Variants in WWC1 observed in about 807,000 individuals in gnomAD.
WWC1 encodes the protein protein KIBRA.
WWC1 carries 55 observed loss-of-function variants against 138.4 expected under a neutral mutation model. That is an observed-to-expected ratio of 0.40 (90% CI 0.32 to 0.50). The LOEUF is 0.50. Ranked by LOEUF, WWC1 falls within the 20% of genes least tolerant of loss-of-function variation. WWC1 has a pLI of 0.72. For synonymous variants in WWC1, 524 were observed against 564.9 expected (o/e 0.93, Z 1.03); for missense variants, 1,226 against 1,420.4 (o/e 0.86, Z 2.20).
At position 168,428,690 on chromosome 5, in the gene WWC1, CCCCTGTTG is replaced by C; in HGVS notation, c.1920-14_1920-7del. 1 of 1,613,126 alleles carries C rather than the reference CCCCTGTTG, an allele frequency of 6.2e-7. No individual in the cohort carries two copies. Among genetic ancestry groups the C allele is most frequent in the Non-Finnish European group, 8.5e-7 (1 of 1,179,268 alleles). Reference sequence around the variant, plus strand: ...ACTGTAGGGAAGCCTAACTCCTCCTCCCCTGTTGCCTTTCAGACTGGGTGCTTCAGAAG... The same window carrying C: ...ACTGTAGGGAAGCCTAACTCCTCCTCCCTTTCAGACTGGGTGCTTCAGAAG... On this transcript the variant is annotated splice_polypyrimidine_tract_variant and intron_variant, in intron 12 of 22. Coordinates refer to ENST00000265293, the MANE Select transcript of WWC1 (RefSeq NM_015238.3).
intron 16 of WWC1, 75 bp downstream of exon 16, chr5:168,441,909 C>A: frequency 1.3e-6 from 2 of 1,542,498 alleles, no homozygotes; most frequent in South Asian, 1.3e-5. Flanking sequence ...TCTCCCAGAA[C>A]TGGAGGTGAT....
chr5:168,317,496 G>GAGT (rs1419978606), intron 1 of WWC1, among the ~76,000 whole-genome samples: 2 of 152,148 alleles, frequency 1.3e-5, no homozygotes, highest in African/African-American at 4.8e-5. Context: ...GTGGGGTGCA[G>GAGT]AGTAGACAGG....
chr5:168,450,491 C>T (rs1004335846), intron 17 of WWC1, among the ~76,000 whole-genome samples: 7 of 152,034 alleles, frequency 4.6e-5, no homozygotes, highest in African/African-American at 1.4e-4. Flanking sequence ...CATGGTGAAA[C>T]ACCATCTCTA....
intron 1 of WWC1, among the ~76,000 whole-genome samples, chr5:168,365,424 A>C (rs1420795542): frequency 6.6e-6 from 1 of 152,184 alleles, no homozygotes; most frequent in African/African-American, 2.4e-5. Context: ...CTTGGGAAAC[A>C]CTAGGAACAT....
intron 5 of WWC1, among the ~76,000 whole-genome samples, chr5:168,400,067 A>G (rs575926287): frequency 5.3e-5 from 8 of 151,868 alleles, no homozygotes; most frequent in South Asian, 2.1e-4. Context: ...ATTGTGCTCT[A>G]TGGGTGACTT....
chr5:168,468,554 C>T lies in WWC1; in HGVS notation c.3276-397C>T, dbSNP rs1404522260. Among the ~76,000 whole-genome samples the T allele has an allele frequency of 1.3e-5, 2 of 152,124 alleles. 1 individual carries two copies. Among genetic ancestry groups the T allele is most frequent in the East Asian group, 3.9e-4 (2 of 5,192 alleles). On this transcript the variant is annotated intron_variant, in intron 22 of 22. Coordinates refer to ENST00000265293, the MANE Select transcript of WWC1 (RefSeq NM_015238.3). ...ACATTTAAAATGTATATTTGTACAACTATCTTTGGGCATCTCTTAACTTTT... is the reference window on the plus strand; with the variant it reads ...ACATTTAAAATGTATATTTGTACAATTATCTTTGGGCATCTCTTAACTTTT...
chr5:168,431,802 G>A (rs1781968695), intron 15 of WWC1, among the ~76,000 whole-genome samples: 1 of 152,178 alleles, frequency 6.6e-6, no homozygotes, highest in Non-Finnish European at 1.5e-5. Context: ...CTGTGTGGTG[G>A]CTTATATCTG....
rs1299589140 is a variant in WWC1 at position 168,375,442 on chromosome 5, GAC to G, written c.229+3910_229+3911del. On this transcript the variant is annotated intron_variant, in intron 2 of 22. Coordinates refer to ENST00000265293, the MANE Select transcript of WWC1 (RefSeq NM_015238.3). ...AACCAATAGATTTAGCAACCTGGGT[GAC>G]CTGACTTTGGAGGGCAGCTTTGGAC... 4.0e-4 allele frequency among the ~76,000 whole-genome samples: 61 copies of G among 152,290 alleles called. 1 individual carries two copies. Among genetic ancestry groups the G allele is most frequent in the Non-Finnish European group, 2.9e-5 (2 of 68,036 alleles).
rs1771369104 is a variant in WWC1, at chr5:168,314,192, A to G, written c.119+21921A>G. On this transcript the variant is annotated intron_variant, in intron 1 of 22. Coordinates refer to ENST00000265293, the MANE Select transcript of WWC1 (RefSeq NM_015238.3). ...AGAGAACAGAGGGAAGAAAAGGACA[A>G]GGAGGAACTGGAGTCTACAATAAGT... Among the ~76,000 whole-genome samples the G allele has an allele frequency of 2.0e-5, 3 of 150,644 alleles. No individual in the cohort carries two copies. In the South Asian group the frequency reaches 6.3e-4, roughly 32 times the overall value.
At chr5:168,319,881 G>A (rs557853766) in intron 1 of WWC1, among the ~76,000 whole-genome samples, 7 of 152,068 alleles carry the variant, frequency 4.6e-5, no homozygotes, top group Non-Finnish European at 1.0e-4. Flanking sequence ...GTGCAGAAGG[G>A]TTCCAATTTC....
chr5:168,403,088 T>TTTC (rs374804391), intron 5 of WWC1, among the ~76,000 whole-genome samples: 3 of 124,188 alleles, frequency 2.4e-5, no homozygotes, highest in African/African-American at 1.0e-4. Flanking sequence ...CTTTTCTTTC[T>TTTC]TTTCTTTCTT....
rs754852592 is a variant in WWC1, at chr5:168,403,067, TTTC to T, written c.591-3128_591-3126del. Among the ~76,000 whole-genome samples the T allele has an allele frequency of 3.3e-3, 353 of 107,942 alleles. 1 individual carries two copies. Among genetic ancestry groups the T allele is most frequent in the African/African-American group, 4.8e-3 (110 of 22,822 alleles). 70.8% of individuals were successfully genotyped at this position (107,942 alleles called of 152,430 possible). On this transcript the variant is annotated intron_variant, in intron 5 of 22. Coordinates refer to ENST00000265293, the MANE Select transcript of WWC1 (RefSeq NM_015238.3). ...CTTTCTTTCTTTCTTTCTTTCTTTC[TTTC>T]TTTCTTTCTTTTCTTTCTTTTCTTT...
intron 16 of WWC1, 108 bp downstream of exon 16, chr5:168,441,942 A>C: frequency 7.0e-7 from 1 of 1,437,040 alleles, no homozygotes; most frequent in Non-Finnish European, 9.3e-7. Flanking sequence ...GAGGAGAACA[A>C]TGGGGTGGAG....
intron 3 of WWC1, among the ~76,000 whole-genome samples, chr5:168,388,985 A>T (rs2152822156): frequency 6.6e-6 from 1 of 152,278 alleles, no homozygotes; most frequent in Non-Finnish European, 1.5e-5. Context: ...CTGGGGTGGG[A>T]AGAGGGATGG....
chr5:168,468,927 C>G lies in WWC1; in HGVS notation c.3276-24C>G, dbSNP rs762298269. The G allele has an allele frequency of 3.1e-6, 5 of 1,614,006 alleles. No individual in the cohort carries two copies. The East Asian group carries it at 1.1e-4, about 36-fold the overall frequency. On this transcript the variant is annotated intron_variant, in intron 22 of 22. Transcript: ENST00000265293. The stretch of plus-strand genomic sequence containing the variant: ...TAGAGCGAGGTTGAAAACCCCTGCT[C>G]TAAAGGGATGGCCTCTCTTATAGGG...
intron 19 of WWC1, among the ~76,000 whole-genome samples, chr5:168,456,680 A>G (rs1756352699): frequency 6.9e-6 from 1 of 145,240 alleles, no homozygotes; most frequent in Non-Finnish European, 1.5e-5. Context: ...CCTTAAGACA[A>G]TGGATAATGC....
intron 1 of WWC1, among the ~76,000 whole-genome samples, chr5:168,300,169 G>A (rs780884729): frequency 6.6e-6 from 1 of 152,100 alleles, no homozygotes; most frequent in African/African-American, 2.4e-5. Context: ...CTGCTGCCTC[G>A]AATCCGTTTC....
chr5:168,395,298 C>T (rs974889350), intron 3 of WWC1, among the ~76,000 whole-genome samples: 5 of 152,172 alleles, frequency 3.3e-5, no homozygotes, highest in Admixed American at 1.3e-4. Flanking sequence ...CTAGAACAGA[C>T]GTCCCCCGCT....
At chr5:168,350,507 C>T (rs1351663569) in intron 1 of WWC1, among the ~76,000 whole-genome samples, 5 of 152,258 alleles carry the variant, frequency 3.3e-5, no homozygotes, top group South Asian at 2.1e-4. Flanking sequence ...GGCTATTTGG[C>T]GTGGGTCACG....
Sources: allele counts gnomAD v4.1 joint callset (sites outside exome capture counted in the v4.1 genomes callset), GRCh38; gene constraint gnomAD v4.1.1; transcripts MANE v1.5; gene names NCBI Gene and HGNC (gene_info 2026-07-23, HGNC 2026-07-21).